CSMD1: variants seen among roughly 807,000 people sequenced by gnomAD.
The protein encoded by CSMD1 is CUB and Sushi multiple domains 1.
A neutral mutation model predicts 417.5 loss-of-function variants in CSMD1; 213 were observed. That is an observed-to-expected ratio of 0.51 (90% CI 0.46 to 0.57). CSMD1 has a LOEUF of 0.57. Among genes scored for constraint, CSMD1 ranks in the 20% least tolerant of loss-of-function variants. The pLI is 0.00. For synonymous variants in CSMD1, 2,862 were observed against 1,736.8 expected, an observed-to-expected ratio of 1.65 and a Z score of -16.11; for missense variants, 6,923 against 4,529.7, an observed-to-expected ratio of 1.53 and a Z score of -15.17.
chr8:2,967,097 A>T (rs2128929419), intron 57 of CSMD1, among the ~76,000 whole-genome samples: 1 of 152,348 alleles, frequency 6.6e-6, no homozygotes, highest in Non-Finnish European at 1.5e-5. Context: ...TAATGCCGTG[A>T]CAGAATTGTT....
intron 3 of CSMD1, among the ~76,000 whole-genome samples, chr8:4,278,356 A>G (rs535556215): frequency 6.6e-6 from 1 of 152,222 alleles, no homozygotes; most frequent in African/African-American, 2.4e-5. Context: ...TAAAATTCAT[A>G]AGGAAACTGA....
chr8:4,637,212 C>A, intron 2 of CSMD1, 130 bp downstream of exon 2: 1 of 679,010 alleles, frequency 1.5e-6, no homozygotes, highest in South Asian at 1.9e-5. Context: ...TTCTTGAAGT[C>A]AGCGAGGCCA....
intron 5 of CSMD1, among the ~76,000 whole-genome samples, chr8:3,803,398 A>G (rs533404420): frequency 6.6e-6 from 1 of 152,200 alleles, no homozygotes; most frequent in South Asian, 2.1e-4. Flanking sequence ...GCTGGAGAGG[A>G]AACAGGTAGT....
intron 1 of CSMD1, among the ~76,000 whole-genome samples, chr8:4,884,655 G>A (rs892079482): frequency 6.6e-6 from 1 of 151,998 alleles, no homozygotes; most frequent in Non-Finnish European, 1.5e-5. Flanking sequence ...TGTCTTGGCA[G>A]TCATATCAAA....
chr8:3,049,256 T>G (rs535278120), intron 50 of CSMD1, among the ~76,000 whole-genome samples: 1 of 152,264 alleles, frequency 6.6e-6, no homozygotes, highest in African/African-American at 2.4e-5. Flanking sequence ...TGTTAAAAAC[T>G]TATGTCTGTA....
intron 5 of CSMD1, among the ~76,000 whole-genome samples, chr8:3,849,040 G>C (rs1049371152): frequency 4.6e-5 from 7 of 151,854 alleles, no homozygotes; most frequent in African/African-American, 1.7e-4. Flanking sequence ...CTTAAACTTA[G>C]TGGCATGCAG....
Position 3,394,685 on chromosome 8 carries a change from C to G in CSMD1, c.2593+1509G>C, listed in dbSNP as rs151153679. Among the ~76,000 whole-genome samples the G allele has an allele frequency of 4.4e-4, 67 of 152,102 alleles. 1 individual carries two copies. In the South Asian group the frequency reaches 1.0e-2, roughly 23 times the overall value. ...AATACAAGGCTTATTAGGGATCTTA[C>G]AAATTCAGATCACTGCAATGTTTAC... On this transcript the variant is annotated intron_variant, in intron 17 of 69. Transcript: ENST00000635120.
At chr8:3,704,176 G>A (rs1255108822) in intron 7 of CSMD1, among the ~76,000 whole-genome samples, 1 of 152,176 alleles carries the variant, frequency 6.6e-6, no homozygotes, top group South Asian at 2.1e-4. Flanking sequence ...AGTGAAGGCT[G>A]GTTGTTGGAG....
chr8:3,930,601 G>C lies in CSMD1; in HGVS notation c.818+67302C>G, dbSNP rs111759497. On this transcript the variant is annotated intron_variant, in intron 5 of 69. Transcript: ENST00000635120. ...GTCCCGTTCCAGCCAAAGGAAACGG[G>C]ACACAGCAGTAGGGTGGCCGTGTCA... Among the ~76,000 whole-genome samples the C allele has an allele frequency of 4.5e-3, 674 of 150,434 alleles. 34 individuals carry two copies. Among genetic ancestry groups the C allele is most frequent in the African/African-American group, 0.016 (657 of 40,814 alleles).
At chr8:4,834,773 G>C (rs113176121) in intron 1 of CSMD1, among the ~76,000 whole-genome samples, 5 of 151,496 alleles carry the variant, frequency 3.3e-5, no homozygotes, top group African/African-American at 9.7e-5. Flanking sequence ...TGGCTAACAC[G>C]GTGAAACCCC....
At chr8:4,906,775 G>A (rs902596614) in intron 1 of CSMD1, among the ~76,000 whole-genome samples, 1 of 152,132 alleles carries the variant, frequency 6.6e-6, no homozygotes, top group African/African-American at 2.4e-5. Context: ...GGCCAGGTTG[G>A]TCTCCAACTC....
chr8:3,101,218 T>A (rs554136492), intron 46 of CSMD1, among the ~76,000 whole-genome samples: 1 of 152,192 alleles, frequency 6.6e-6, no homozygotes, highest in African/African-American at 2.4e-5. Context: ...CAAAACACCC[T>A]GAGAGCAAGC....
In CSMD1 at chr8:2,974,443, C is replaced by T; in HGVS notation, c.8740+8G>A. The T allele has an allele frequency of 1.9e-6, 3 of 1,574,158 alleles. No homozygotes were observed. Among genetic ancestry groups the T allele is most frequent in the South Asian group, 1.2e-5 (1 of 86,740 alleles). ...GTAATTCTGTCAGTTCACTCGTAAG[C>T]CCCTCACCTGTGCAGTGGGGCAGTG... On this transcript the variant is annotated splice_region_variant and intron_variant, in intron 56 of 69. Transcript: ENST00000635120.
At chr8:4,936,757 T>A (rs1199784992) in intron 1 of CSMD1, among the ~76,000 whole-genome samples, 1 of 152,216 alleles carries the variant, frequency 6.6e-6, no homozygotes, top group Non-Finnish European at 1.5e-5. Context: ...ATATTGGAAT[T>A]GTCTATATGT....
intron 5 of CSMD1, among the ~76,000 whole-genome samples, chr8:3,866,147 A>G (rs964187090): frequency 2.0e-5 from 3 of 152,244 alleles, no homozygotes; most frequent in Admixed American, 1.3e-4. Context: ...CTCTGAAGAT[A>G]TAACATTAAG....
chr8:4,748,225 A>G (rs547997179), intron 1 of CSMD1, among the ~76,000 whole-genome samples: 1 of 152,366 alleles, frequency 6.6e-6, no homozygotes, highest in Non-Finnish European at 1.5e-5. Flanking sequence ...AAATGGAAAC[A>G]AGAAGAAAAG....
intron 61 of CSMD1, among the ~76,000 whole-genome samples, chr8:2,961,890 G>C (rs1002843965): frequency 3.3e-5 from 5 of 152,046 alleles, no homozygotes; most frequent in Non-Finnish European, 7.4e-5. Flanking sequence ...TAAATCAAAT[G>C]ACAGCAAATA....
At chr8:3,284,102 C>CT in intron 26 of CSMD1, 42 bp downstream of exon 26, 1 of 1,437,736 alleles carries the variant, frequency 7.0e-7, no homozygotes, top group South Asian at 1.2e-5. Flanking sequence ...CATGACAAGA[C>CT]TTTGATATCA....
intron 1 of CSMD1, among the ~76,000 whole-genome samples, chr8:4,813,814 A>G (rs560623684): frequency 4.1e-4 from 62 of 152,340 alleles, no homozygotes; most frequent in African/African-American, 1.4e-3. Context: ...ATCGAATTTC[A>G]TCAGATACAA....
Sources: gnomAD v4.1 joint callset for allele counts (sites outside exome capture counted in the v4.1 genomes callset) on GRCh38, gnomAD v4.1.1 for gene constraint, MANE v1.5 for transcripts, NCBI Gene and HGNC (gene_info 2026-07-23, HGNC 2026-07-21) for gene names.